Variants in DNAH11 observed in about 807,000 individuals in gnomAD.
The protein encoded by DNAH11 is axonemal beta dynein heavy chain 11.
Under a neutral mutation model 526.0 loss-of-function variants are expected in DNAH11, and 442 were observed. The observed-to-expected ratio is 0.84, with a 90% CI of 0.78 to 0.91. The LOEUF (loss-of-function observed/expected upper bound fraction) is 0.91, where lower values mean the gene tolerates loss of function less well. Ranked by LOEUF, DNAH11 falls within the 40% of genes least tolerant of loss-of-function variation. DNAH11 has a pLI of 0.00. For synonymous variants in DNAH11, 2,461 were observed against 1,935.9 expected, an observed-to-expected ratio of 1.27 and a Z score of -7.12; for missense variants, 6,989 against 5,448.7, an observed-to-expected ratio of 1.28 and a Z score of -8.90.
intron 41 of DNAH11, among the ~76,000 whole-genome samples, chr7:21,711,122 C>CT (rs1784450749): frequency 6.6e-6 from 1 of 150,850 alleles, no homozygotes; most frequent in South Asian, 2.1e-4. Flanking sequence ...TTTTCCCAAG[C>CT]TTTTTTGCCA....
intron 21 of DNAH11, 126 bp downstream of exon 21, chr7:21,615,398 C>G (rs1174952135): frequency 1.0e-6 from 1 of 993,262 alleles, no homozygotes; most frequent in African/African-American, 1.7e-5. Context: ...TAGATCCTCA[C>G]CCCAGCCCCA....
chr7:21,658,758 A>G (rs1782122474), intron 29 of DNAH11, 40 bp from the exon 30 acceptor site: 8 of 1,485,202 alleles, frequency 5.4e-6, no homozygotes, highest in Admixed American at 2.1e-5. Flanking sequence ...ATCCTTCCAT[A>G]GTTAAGCCTG....
At chr7:21,788,541 A>G (rs905802635) in intron 60 of DNAH11, among the ~76,000 whole-genome samples, 1 of 152,090 alleles carries the variant, frequency 6.6e-6, no homozygotes, top group Non-Finnish European at 1.5e-5. Flanking sequence ...TTTGCTATAA[A>G]ATAGGAAAGA....
intron 19 of DNAH11, 27 bp downstream of exon 19, chr7:21,606,569 T>G (rs769055776): frequency 7.9e-5 from 125 of 1,584,062 alleles, no homozygotes; most frequent in Non-Finnish European, 9.4e-5. Flanking sequence ...GTTTTTGTTT[T>G]AAGAAAGGTT....
At chr7:21,682,828 A>G (rs1783200760) in intron 31 of DNAH11, among the ~76,000 whole-genome samples, 1 of 152,182 alleles carries the variant, frequency 6.6e-6, no homozygotes, top group Non-Finnish European at 1.5e-5. Context: ...AATGCTTTTC[A>G]TATGAACCAT....
intron 67 of DNAH11, among the ~76,000 whole-genome samples, chr7:21,852,859 T>C (rs1490339587): frequency 6.6e-6 from 1 of 152,210 alleles, no homozygotes; most frequent in East Asian, 1.9e-4. Context: ...TTAGACACTG[T>C]CCGGCTATTA....
intron 61 of DNAH11, 109 bp from the exon 62 acceptor site, chr7:21,801,028 G>A: frequency 1.7e-6 from 2 of 1,162,678 alleles, no homozygotes; most frequent in South Asian, 2.8e-5. Flanking sequence ...AAGGTTAATG[G>A]GGGGAAGAGG....
chr7:21,592,094 G>T (rs556680670), intron 14 of DNAH11, among the ~76,000 whole-genome samples: 6 of 152,126 alleles, frequency 3.9e-5, no homozygotes, highest in African/African-American at 1.4e-4. Flanking sequence ...AAGGCAGAAG[G>T]CAGGAAAATA....
intron 25 of DNAH11, among the ~76,000 whole-genome samples, chr7:21,633,670 A>T (rs563460439): frequency 2.0e-5 from 3 of 152,198 alleles, no homozygotes; most frequent in Non-Finnish European, 4.4e-5. Context: ...CTCTAGGAAG[A>T]TGCACTTGAG....
At chr7:21,798,505 A>C (rs1788817988) in intron 61 of DNAH11, among the ~76,000 whole-genome samples, 1 of 152,200 alleles carries the variant, frequency 6.6e-6, no homozygotes. Flanking sequence ...TCACAACTGG[A>C]ACTTCTCAAA....
Position 21,867,842 on chromosome 7 carries a change from A to G in DNAH11, c.11691-17A>G. 2.1e-6 allele frequency: 3 copies of G among 1,429,594 alleles called. No homozygotes were observed. The highest frequency in any genetic ancestry group is 2.9e-6 in the Non-Finnish European group (3 of 1,045,226). The allele number at this position is 1,429,594 out of a possible 1,614,324, so 88.6% of individuals were successfully genotyped here. On this transcript the variant is annotated splice_polypyrimidine_tract_variant and intron_variant, in intron 71 of 81. Coordinates refer to ENST00000409508, the MANE Select transcript of DNAH11 (RefSeq NM_001277115.2). ...TCAAAACCACTGATCATGTTTTTAT[A>G]TTCTTGTTTTTTATAGAAATTTTGT...
chr7:21,776,556 T>G lies in DNAH11; in HGVS notation c.9337-2402T>G, dbSNP rs112726799. 5.5e-3 allele frequency among the ~76,000 whole-genome samples: 842 copies of G among 152,284 alleles called. 6 individuals carry two copies. Among genetic ancestry groups the G allele is most frequent in the Non-Finnish European group, 9.0e-3 (615 of 68,022 alleles). On this transcript the variant is annotated intron_variant, in intron 56 of 81. Transcript: ENST00000409508. ...TTACAGTAAAGCTGTAAGCACCTTT[T>G]ATAGCCAAATAACCTCTCTCTAGAT...
At chr7:21,872,140 A>AAAAAAAAAAAAC (rs1554291084) in intron 73 of DNAH11, among the ~76,000 whole-genome samples, 23 of 146,724 alleles carry the variant, frequency 1.6e-4, no homozygotes, top group African/African-American at 4.9e-4. Flanking sequence ...AAAAAAAAAA[A>AAAAAAAAAAAAC]AAAAAAAAAC....
At chr7:21,856,957 G>A (rs1782875647) in intron 68 of DNAH11, among the ~76,000 whole-genome samples, 1 of 152,156 alleles carries the variant, frequency 6.6e-6, no homozygotes, top group Non-Finnish European at 1.5e-5. Flanking sequence ...CATCTATTCA[G>A]CGCTGCACTG....
intron 2 of DNAH11, 67 bp from the exon 3 acceptor site, chr7:21,558,735 C>T (rs1167288646): frequency 3.9e-5 from 50 of 1,278,796 alleles, no homozygotes; most frequent in South Asian, 2.2e-4. Context: ...CAATTTTGTA[C>T]GACAAGAAAA....
chr7:21,564,258 C>T lies in DNAH11; in HGVS notation c.1055C>T (p.Thr352Met), dbSNP rs200824684. The T allele has an allele frequency of 1.7e-5, 27 of 1,613,458 alleles. No homozygotes were observed. The highest frequency in any genetic ancestry group is 1.6e-4 in the Middle Eastern group (1 of 6,074). The change falls in exon 6 of 82, where the codon ACG becomes ATG. Residue 352 changes from threonine to methionine, a missense_variant. Transcript: ENST00000409508. ...LRRHIQCLQE[T>M]EFPQTRILIA... ...AGACACATCCAGTGTCTCCAGGAGA[C>T]GGAATTCCCACAGACACGCATATTA...
intron 55 of DNAH11, among the ~76,000 whole-genome samples, chr7:21,765,993 G>C (rs1259993869): frequency 6.6e-6 from 1 of 152,088 alleles, no homozygotes; most frequent in Non-Finnish European, 1.5e-5. Flanking sequence ...GCCACGCACT[G>C]CTTGCTTCTT....
chr7:21,877,831 C>T (rs375134822), intron 74 of DNAH11, among the ~76,000 whole-genome samples: 67 of 133,436 alleles, frequency 5.0e-4, no homozygotes, highest in African/African-American at 1.5e-3. Flanking sequence ...GCAGAGATCG[C>T]GCTACTGCAC....
chr7:21,553,269 C>G (rs547568997), intron 2 of DNAH11, among the ~76,000 whole-genome samples: 1 of 152,110 alleles, frequency 6.6e-6, no homozygotes, highest in East Asian at 1.9e-4. Context: ...TAAACCCAAT[C>G]CCACAATCAT....
Sources: allele counts gnomAD v4.1 joint callset (sites outside exome capture counted in the v4.1 genomes callset), GRCh38; gene constraint gnomAD v4.1.1; transcripts MANE v1.5; gene names NCBI Gene and HGNC (gene_info 2026-07-23, HGNC 2026-07-21).